Variants in ETFB observed in about 807,000 individuals in gnomAD.
ETFB encodes the protein beta-ETF.
ETFB carries 20 observed loss-of-function variants against 25.6 expected under a neutral mutation model. The ratio of observed to expected loss-of-function variants is 0.78; its 90% confidence interval spans 0.55 to 1.14. The LOEUF is 1.14. Ranked by LOEUF, ETFB falls within the 50% of genes most tolerant of loss-of-function variation. The probability of loss-of-function intolerance (pLI) is 0.00; values close to 1 mark genes in which losing one functional copy is unlikely to be tolerated. For missense variants in ETFB, 286 were observed against 342.6 expected (o/e 0.83, Z 1.30); for synonymous variants, 142 against 146.7 (o/e 0.97, Z 0.23).
chr19:51,354,740 G>A, intron 1 of ETFB: 1 of 1,363,916 alleles, frequency 7.3e-7, no homozygotes. Flanking sequence ...AGTTAAGGGT[G>A]GTCCTCAGAG....
intron 1 of ETFB, among the ~76,000 whole-genome samples, chr19:51,360,611 T>C (rs935065140): frequency 3.3e-5 from 5 of 152,162 alleles, no homozygotes; most frequent in African/African-American, 1.2e-4. Context: ...AGCATGGAAG[T>C]GGCAGGACCA....
intron 1 of ETFB, among the ~76,000 whole-genome samples, chr19:51,360,782 C>G (rs2123607496): frequency 6.6e-6 from 1 of 152,122 alleles, no homozygotes; most frequent in African/African-American, 2.4e-5. Flanking sequence ...CTCTCTCTCT[C>G]TCTCTCTTTC....
In ETFB at chr19:51,350,371, GT is replaced by G; in HGVS notation, c.395del (p.Asn132ThrfsTer6). ...LGKQAIDDDC[N>X]QTGQMTAGFL... ...ATCCAGCTGTCATCTGCCCTGTCTG[GT>G]TACAGTCATCATCGATGGCCTGAAT... On this transcript the variant is annotated frameshift_variant, in exon 4 of 6. Transcript: ENST00000309244. LOFTEE classifies it high-confidence loss of function. 1 of 1,591,344 alleles carries G rather than the reference GT, an allele frequency of 6.3e-7. No homozygotes were observed. The highest frequency in any genetic ancestry group is 8.6e-7 in the Non-Finnish European group (1 of 1,161,140).
At position 51,349,278 on chromosome 19, in the gene ETFB, C is replaced by T. The variant is rs183855000; in HGVS notation, c.438+1051G>A. Among the ~76,000 whole-genome samples, 154 of 152,170 alleles carry T rather than the reference C, an allele frequency of 1.0e-3. 1 individual carries two copies. Among genetic ancestry groups the T allele is most frequent in the African/African-American group, 3.6e-3 (148 of 41,508 alleles). ...TCAATTTATGATGGATTTATCAGGA[C>T]GTAACCCCATTGCTTGTAGAGCATA... On this transcript the variant is annotated intron_variant, in intron 4 of 5. Transcript: ENST00000309244.
intron 3 of ETFB, among the ~76,000 whole-genome samples, chr19:51,350,871 G>C (rs1200157488): frequency 6.6e-6 from 1 of 152,230 alleles, no homozygotes; most frequent in Admixed American, 6.5e-5. Context: ...TGCTGTTGTA[G>C]CACACAGGCA....
chr19:51,356,450 C>T (rs1038638375), intron 1 of ETFB: 1 of 152,176 alleles, frequency 6.6e-6, no homozygotes, highest in African/African-American at 2.4e-5. Context: ...GTCATGATCA[C>T]ACATGGTCAC....
At chr19:51,362,793 G>A (rs916188022) in intron 1 of ETFB, among the ~76,000 whole-genome samples, 5 of 152,114 alleles carry the variant, frequency 3.3e-5, no homozygotes, top group African/African-American at 1.2e-4. Flanking sequence ...TTCTAGTAGT[G>A]AACCCACTGT....
At chr19:51,351,654 G>A (rs1985936705) in intron 3 of ETFB, among the ~76,000 whole-genome samples, 1 of 152,216 alleles carries the variant, frequency 6.6e-6, no homozygotes, top group Admixed American at 6.5e-5. Context: ...CTGTTCTCCG[G>A]GTAGGCCCTT....
At position 51,366,384 on chromosome 19, in the gene ETFB, G is replaced by GGCCCCC; in HGVS notation, c.-59_-58insGGGGGC. On this transcript the variant is annotated 5_prime_UTR_variant, in exon 1 of 6. Coordinates refer to ENST00000309244, the MANE Select transcript of ETFB (RefSeq NM_001985.3). ...GCACCCTCAGCGGCTCAGTCCAGAA[G>GGCCCCC]CCCCACCACCCCCGCCCCCCGCGCC... The GGCCCCC allele has an allele frequency of 6.6e-7, 1 of 1,525,594 alleles. No homozygotes were observed. The highest frequency in any genetic ancestry group is 8.9e-7 in the Non-Finnish European group (1 of 1,120,104). 94.5% of individuals were successfully genotyped at this position (1,525,594 alleles called of 1,614,324 possible).
At chr19:51,366,134 CAG>C (rs1986358194) in intron 1 of ETFB, 134 bp downstream of exon 1, 2 of 844,664 alleles carry the variant, frequency 2.4e-6, no homozygotes, top group African/African-American at 1.7e-5. Context: ...TTTTTGCCCT[CAG>C]GTGACTTTGA....
At chr19:51,366,128 T>G in intron 1 of ETFB, 142 bp downstream of exon 1, 1 of 788,156 alleles carries the variant, frequency 1.3e-6, no homozygotes. Flanking sequence ...CTTGGATTTT[T>G]GCCCTCAGGT....
chr19:51,355,599 C>A (rs1282709450), intron 1 of ETFB: 1 of 152,098 alleles, frequency 6.6e-6, no homozygotes, highest in Non-Finnish European at 1.5e-5. Context: ...TGGGTATATA[C>A]CCAAAGGATT....
At chr19:51,347,873 C>T (rs1164392752) in intron 4 of ETFB, 1 of 152,028 alleles carries the variant, frequency 6.6e-6, no homozygotes, top group African/African-American at 2.4e-5. Flanking sequence ...CAACCAGTCA[C>T]CAGGGAAAAA....
intron 4 of ETFB, 83 bp downstream of exon 4, chr19:51,350,246 C>T: frequency 2.7e-6 from 4 of 1,483,850 alleles, no homozygotes; most frequent in Non-Finnish European, 2.8e-6. Context: ...GAGAGAACAG[C>T]AAATGCAAAG....
At chr19:51,362,517 G>A (rs1043103485) in intron 1 of ETFB, among the ~76,000 whole-genome samples, 1 of 152,200 alleles carries the variant, frequency 6.6e-6, no homozygotes, top group Non-Finnish European at 1.5e-5. Flanking sequence ...GGAGGTTCCA[G>A]TGAGCTGAGA....
chr19:51,349,704 C>G (rs1008241605), intron 4 of ETFB, among the ~76,000 whole-genome samples: 3 of 152,098 alleles, frequency 2.0e-5, no homozygotes, highest in African/African-American at 7.2e-5. Flanking sequence ...CGTGGCCTCC[C>G]AAAGTGCTAG....
intron 1 of ETFB, among the ~76,000 whole-genome samples, chr19:51,360,924 T>A (rs1306067806): frequency 1.3e-5 from 2 of 152,168 alleles, no homozygotes; most frequent in Non-Finnish European, 2.9e-5. Flanking sequence ...TAGCTGGGAC[T>A]ACAGGCGCCT....
intron 1 of ETFB, among the ~76,000 whole-genome samples, chr19:51,363,616 T>C (rs2123615222): frequency 6.6e-6 from 1 of 152,180 alleles, no homozygotes; most frequent in Middle Eastern, 3.4e-3. Flanking sequence ...GCCTGGCTAA[T>C]TTTTTTATTT....
chr19:51,349,274 A>G (rs1236099798), intron 4 of ETFB, among the ~76,000 whole-genome samples: 3 of 152,200 alleles, frequency 2.0e-5, no homozygotes, highest in African/African-American at 7.2e-5. Context: ...TGGATTTATC[A>G]GGACGTAACC....
Sources: allele counts gnomAD v4.1 joint callset (sites outside exome capture counted in the v4.1 genomes callset), GRCh38; gene constraint gnomAD v4.1.1; transcripts MANE v1.5; gene names NCBI Gene and HGNC (gene_info 2026-07-23, HGNC 2026-07-21).